The following IGSF11 variants were observed in gnomAD, a reference collection of about 807,000 sequenced individuals.
IGSF11 encodes CXADR like 1.
A neutral mutation model predicts 41.0 loss-of-function variants in IGSF11; 22 were observed. The observed-to-expected ratio is 0.54, with a 90% CI of 0.38 to 0.77. The LOEUF is 0.77. IGSF11 is among the 30% of genes least tolerant of loss of function. The pLI is 0.00. For synonymous variants in IGSF11, 219 were observed against 201.3 expected (o/e 1.09, Z -0.74); for missense variants, 444 against 530.8 (o/e 0.84, Z 1.61).
At chr3:118,946,456 A>AAAAAG (rs1944150188) in intron 1 of IGSF11, among the ~76,000 whole-genome samples, 1 of 151,848 alleles carries the variant, frequency 6.6e-6, no homozygotes, top group African/African-American at 2.4e-5. Flanking sequence ...TAAAAAAAAA[A>AAAAAG]AAGAAGAAGA....
At chr3:118,916,338 C>T (rs1010219108) in intron 4 of IGSF11, among the ~76,000 whole-genome samples, 1 of 152,144 alleles carries the variant, frequency 6.6e-6, no homozygotes, top group Non-Finnish European at 1.5e-5. Flanking sequence ...CAAGACCCAT[C>T]AGTGTGCTGT....
chr3:118,956,368 C>T (rs1944958792), intron 1 of IGSF11, among the ~76,000 whole-genome samples: 2 of 152,164 alleles, frequency 1.3e-5, no homozygotes, highest in Non-Finnish European at 2.9e-5. Context: ...CACCAAGAAG[C>T]TTAGCTTTTG....
intron 1 of IGSF11, among the ~76,000 whole-genome samples, chr3:119,114,405 A>T (rs1043811893): frequency 1.3e-5 from 2 of 152,216 alleles, no homozygotes; most frequent in African/African-American, 4.8e-5. Context: ...ACTCTTGAAC[A>T]TTTTGTCACT....
At chr3:118,916,988 A>AACCT (rs1269789403) in intron 4 of IGSF11, among the ~76,000 whole-genome samples, 3 of 152,212 alleles carry the variant, frequency 2.0e-5, no homozygotes, top group Non-Finnish European at 2.9e-5. Flanking sequence ...GAAACTGAAC[A>AACCT]ACCTGCTCCT....
At chr3:119,109,624 T>C (rs1165658151), upstream of IGSF11, among the ~76,000 whole-genome samples, 4 of 152,248 alleles carry the variant, frequency 2.6e-5, no homozygotes, top group Non-Finnish European at 2.9e-5. Context: ...TTTCTTGCCT[T>C]CTGCTAGCTT....
At chr3:118,963,453 C>T (rs1032071727) in intron 1 of IGSF11, among the ~76,000 whole-genome samples, 1 of 152,138 alleles carries the variant, frequency 6.6e-6, no homozygotes, top group African/African-American at 2.4e-5. Context: ...TTTTTATTTA[C>T]ATCAATTCAT....
chr3:119,145,338 A>G (rs1483628024), intron 1 of IGSF11, among the ~76,000 whole-genome samples: 1 of 152,212 alleles, frequency 6.6e-6, no homozygotes, highest in Non-Finnish European at 1.5e-5. Flanking sequence ...TACTCCTGAA[A>G]GTAGACAGCC....
At chr3:119,119,690 T>C (rs1227805281) in intron 1 of IGSF11, among the ~76,000 whole-genome samples, 2 of 152,036 alleles carry the variant, frequency 1.3e-5, no homozygotes, top group Non-Finnish European at 2.9e-5. Flanking sequence ...AACATGCATC[T>C]CCCAGAAAAA....
chr3:118,946,223 CACAA>C (rs1944126261), intron 1 of IGSF11, among the ~76,000 whole-genome samples: 2 of 149,776 alleles, frequency 1.3e-5, no homozygotes, highest in Admixed American at 1.4e-4. Flanking sequence ...CACACACACA[CACAA>C]ACATATATAT....
intron 1 of IGSF11, among the ~76,000 whole-genome samples, chr3:118,936,503 T>C (rs962952854): frequency 2.9e-5 from 4 of 138,640 alleles, no homozygotes; most frequent in African/African-American, 5.7e-5. Context: ...TGAGATTTCA[T>C]CTCAAAAAAA....
intron 1 of IGSF11, among the ~76,000 whole-genome samples, chr3:119,068,916 C>CTTTTTTTTTTT (rs66923529): frequency 8.8e-6 from 1 of 114,140 alleles, no homozygotes. Flanking sequence ...TGGTTATTTT[C>CTTTTTTTTTTT]TTTTTTTTTT....
At position 118,904,712 on chromosome 3, in the gene IGSF11, C is replaced by G. The variant is rs143207671; in HGVS notation, c.790G>C (p.Ala264Pro). 1 of 1,612,496 alleles carries G rather than the reference C, an allele frequency of 6.2e-7. No individual in the cohort carries two copies. Among genetic ancestry groups the G allele is most frequent in the South Asian group, 1.1e-5 (1 of 90,974 alleles). ...IIFCIALILG[A>P]FFYWRSKNKE... ...TTTTTGCTTCTCCAGTAAAAGAATG[C>G]CCCTAAAATTAGTGCAATGCAAAAA... is the stretch of plus-strand genomic sequence containing the variant. Residue 264 changes from alanine to proline, a missense_variant, in exon 6 of 7, where the codon GCA becomes CCA. Physicochemically the swap from Ala to Pro is conservative, Grantham distance 27. Coordinates refer to ENST00000393775, the MANE Select transcript of IGSF11 (RefSeq NM_001015887.3).
At chr3:119,105,843 C>A (rs1187296478), upstream of IGSF11, among the ~76,000 whole-genome samples, 2 of 152,112 alleles carry the variant, frequency 1.3e-5, no homozygotes. Flanking sequence ...TTCTCTCTCA[C>A]TTTAGTTAAG....
At chr3:118,956,550 A>G (rs1944971066) in intron 1 of IGSF11, among the ~76,000 whole-genome samples, 1 of 152,200 alleles carries the variant, frequency 6.6e-6, no homozygotes, top group South Asian at 2.1e-4. Flanking sequence ...CAGGCAGGAC[A>G]GAGGGGAGAA....
In IGSF11 at chr3:119,034,649, G is replaced by GT; in HGVS notation, c.-68dup. On this transcript the variant is annotated 5_prime_UTR_variant, in exon 1 of 7. Transcript: ENST00000393775. ...CGGTCGCAACAGGAGAGGAGCGGGC[G>GT]TGAGTCTCCGCGCTCTTGGGGCAGC... is the stretch of plus-strand genomic sequence containing the variant. 2 of 1,490,970 alleles carry GT rather than the reference G, an allele frequency of 1.3e-6. No individual in the cohort carries two copies. The highest frequency in any genetic ancestry group is 1.8e-6 in the Non-Finnish European group (2 of 1,115,482). 92.4% of individuals were successfully genotyped at this position (1,490,970 alleles called of 1,614,324 possible).
Position 119,034,677 on chromosome 3 carries a change from G to T in IGSF11, c.-95C>A. On this transcript the variant is annotated 5_prime_UTR_variant, in exon 1 of 7. Coordinates refer to ENST00000393775, the MANE Select transcript of IGSF11 (RefSeq NM_001015887.3). ...AGTCTCCGCGCTCTTGGGGCAGCCT[G>T]GTCCTCCCACACCCAGCGCCGGGCC... 7.0e-7 allele frequency: 1 copy of T among 1,434,454 alleles called. No homozygotes were observed. Among genetic ancestry groups the T allele is most frequent in the South Asian group, 1.5e-5 (1 of 68,064 alleles). 88.9% of individuals were successfully genotyped at this position (1,434,454 alleles called of 1,614,324 possible).
chr3:119,001,622 T>TC (rs1246257024), intron 1 of IGSF11, among the ~76,000 whole-genome samples: 1 of 76,464 alleles, frequency 1.3e-5, no homozygotes, highest in African/African-American at 5.0e-5. Context: ...CCCTCCCCCC[T>TC]CCCCCCACCC....
At position 119,052,889 on chromosome 3, in the gene IGSF11, A is replaced by G. The variant is rs1266891256; in HGVS notation, c.49+52255T>C. Among the ~76,000 whole-genome samples the G allele has an allele frequency of 2.6e-5, 4 of 152,208 alleles. No homozygotes were observed. In the East Asian group the frequency reaches 7.7e-4, roughly 29 times the overall value. On this transcript the variant is annotated intron_variant, in intron 1 of 6. Transcript: ENST00000354673. ...ACACCACAAAAACAGAATTTAAAAC[A>G]AAGGTCATATGATCATCTCAACAGA... is the stretch of plus-strand genomic sequence containing the variant.
At chr3:119,026,007 A>G (rs918485970) in intron 1 of IGSF11, among the ~76,000 whole-genome samples, 10 of 152,306 alleles carry the variant, frequency 6.6e-5, no homozygotes, top group African/African-American at 9.6e-5. Flanking sequence ...ATGGTGGCTC[A>G]TGCCTGTAAT....
Sources: allele counts gnomAD v4.1 joint callset (sites outside exome capture counted in the v4.1 genomes callset), GRCh38; gene constraint gnomAD v4.1.1; transcripts MANE v1.5; gene names NCBI Gene and HGNC (gene_info 2026-07-23, HGNC 2026-07-21).